PHACTR1: variants seen among roughly 807,000 people sequenced by gnomAD.
PHACTR1 encodes phosphatase and actin regulator 1.
A neutral mutation model predicts 69.2 loss-of-function variants in PHACTR1; 16 were observed. The ratio of observed to expected loss-of-function variants is 0.23; its 90% CI spans 0.16 to 0.35. PHACTR1 has a LOEUF of 0.35. Ranked by LOEUF, PHACTR1 falls within the 10% of genes least tolerant of loss-of-function variation. The pLI is 1.00. For synonymous variants in PHACTR1, 312 were observed against 284.5 expected, an observed-to-expected ratio of 1.10 and a Z score of -0.97; for missense variants, 510 against 734.7, an observed-to-expected ratio of 0.69 and a Z score of 3.54.
At chr6:12,932,277 C>T (rs1418210662) in intron 4 of PHACTR1, among the ~76,000 whole-genome samples, 1 of 152,064 alleles carries the variant, frequency 6.6e-6, no homozygotes, top group Non-Finnish European at 1.5e-5. Context: ...CAGATCTGGT[C>T]CTAGAATCCT....
At chr6:12,776,889 T>G (rs1181863057) in intron 4 of PHACTR1, among the ~76,000 whole-genome samples, 2 of 152,168 alleles carry the variant, frequency 1.3e-5, no homozygotes, top group African/African-American at 4.8e-5. Context: ...TTAGGACTCT[T>G]TACATGATAT....
chr6:13,283,716 G>A lies in PHACTR1; in HGVS notation c.1650+154G>A. 1 of 1,105,638 alleles carries A rather than the reference G, an allele frequency of 9.0e-7. No homozygotes were observed. 68.5% of individuals were successfully genotyped at this position (1,105,638 alleles called of 1,614,324 possible). A position where few individuals can be genotyped will look rare whatever the true frequency, so the allele number is the denominator to read the frequency against. ...GAGACCCCAACACCTTTCCCCAGGG[G>A]CCACAGATAATCTGCGGAAAGGCTG... On this transcript the variant is annotated intron_variant, in intron 13 of 14. Transcript: ENST00000332995. The surrounding 1 kb of genome is among the most constrained non-coding windows in gnomAD (Gnocchi z 4.7).
chr6:13,084,703 C>A (rs1205918062), intron 5 of PHACTR1, among the ~76,000 whole-genome samples: 2 of 151,680 alleles, frequency 1.3e-5, no homozygotes, highest in African/African-American at 4.8e-5. Flanking sequence ...AAGGAAGAGC[C>A]AGTATCCTAC....
At chr6:13,120,190 C>T (rs1340233543) in intron 5 of PHACTR1, among the ~76,000 whole-genome samples, 1 of 152,220 alleles carries the variant, frequency 6.6e-6, no homozygotes, top group Non-Finnish European at 1.5e-5. Flanking sequence ...TACAATCTAG[C>T]TTTGCAAACT....
At chr6:13,168,812 T>TA (rs372252223) in intron 6 of PHACTR1, among the ~76,000 whole-genome samples, 169 of 151,904 alleles carry the variant, frequency 1.1e-3, no homozygotes, top group African/African-American at 3.9e-3. Flanking sequence ...AGAGAAGGGG[T>TA]AAGAGTGCCC....
chr6:13,248,799 A>G (rs1251759916), intron 10 of PHACTR1, among the ~76,000 whole-genome samples: 1 of 152,202 alleles, frequency 6.6e-6, no homozygotes, highest in Non-Finnish European at 1.5e-5. Context: ...CCAAAAATCT[A>G]ATCTGCATGT....
At chr6:12,903,506 G>T (rs1449869438) in intron 4 of PHACTR1, among the ~76,000 whole-genome samples, 1 of 152,196 alleles carries the variant, frequency 6.6e-6, no homozygotes, top group Non-Finnish European at 1.5e-5. Flanking sequence ...CTTGACATGG[G>T]TTGTTTCCTC....
intron 5 of PHACTR1, among the ~76,000 whole-genome samples, chr6:13,092,527 G>A (rs9349456): frequency 0.48 from 72,294 of 151,950 alleles, 19,257 homozygotes; most frequent in East Asian, 0.83. Flanking sequence ...GACAGCAGGT[G>A]GCTTTAGGAT....
At chr6:12,945,998 A>AATAAATAAATGC (rs1790629914) in intron 4 of PHACTR1, among the ~76,000 whole-genome samples, 1 of 150,004 alleles carries the variant, frequency 6.7e-6, no homozygotes, top group African/African-American at 2.5e-5. Flanking sequence ...TAAATAAATA[A>AATAAATAAATGC]ATGCTAAAGT....
intron 8 of PHACTR1, among the ~76,000 whole-genome samples, chr6:13,218,247 A>T (rs1049649713): frequency 3.3e-5 from 5 of 152,198 alleles, no homozygotes; most frequent in African/African-American, 1.2e-4. Context: ...TTGATTCCCT[A>T]CAAGAGTTTC....
chr6:12,841,420 C>A (rs1241396959), intron 4 of PHACTR1, among the ~76,000 whole-genome samples: 1 of 152,150 alleles, frequency 6.6e-6, no homozygotes, highest in Non-Finnish European at 1.5e-5. Flanking sequence ...AGGAAACTCT[C>A]ATTAAGATGA....
intron 5 of PHACTR1, among the ~76,000 whole-genome samples, chr6:13,076,386 G>C (rs556526250): frequency 6.6e-6 from 1 of 152,146 alleles, no homozygotes; most frequent in African/African-American, 2.4e-5. Flanking sequence ...AAATACGAAT[G>C]CCTTGGGTTA....
At chr6:13,102,374 T>A (rs995350660) in intron 5 of PHACTR1, among the ~76,000 whole-genome samples, 1 of 152,178 alleles carries the variant, frequency 6.6e-6, no homozygotes, top group Non-Finnish European at 1.5e-5. Context: ...TCATTGGCCT[T>A]ATGAAAAACC....
rs559339178 is a variant in PHACTR1, at chr6:12,981,860, C to T, written c.251-71505C>T. ...TATTTTCAATATTTTCTGCTTTATT[C>T]CCAGGGTCTAGATCAGGTCCAAATG... On this transcript the variant is annotated intron_variant, in intron 4 of 14. Transcript: ENST00000332995. 8.3e-4 allele frequency among the ~76,000 whole-genome samples: 126 copies of T among 152,266 alleles called. 1 individual carries two copies. The South Asian group carries it at 0.017, about 21-fold the overall frequency.
Position 12,978,393 on chromosome 6 carries a change from G to A in PHACTR1, c.251-74972G>A, listed in dbSNP as rs187215589. 3.8e-3 allele frequency among the ~76,000 whole-genome samples: 582 copies of A among 152,204 alleles called. 2 individuals carry two copies. Among genetic ancestry groups the A allele is most frequent in the African/African-American group, 0.013 (554 of 41,512 alleles). The stretch of plus-strand genomic sequence containing the variant: ...GTTCTTGCCAGGCTCTCAGGACCAC[G>A]TCCACACCCCAGCCACTCATGCTGT... On this transcript the variant is annotated intron_variant, in intron 4 of 14. Coordinates refer to ENST00000332995, the MANE Select transcript of PHACTR1 (RefSeq NM_030948.6).
chr6:12,741,213 A>G (rs998449665), intron 3 of PHACTR1, among the ~76,000 whole-genome samples: 4 of 152,084 alleles, frequency 2.6e-5, no homozygotes, highest in African/African-American at 7.2e-5. Flanking sequence ...TATGATGAAC[A>G]GAAGTTCTTA....
intron 4 of PHACTR1, among the ~76,000 whole-genome samples, chr6:12,977,459 T>A (rs1256864285): frequency 6.6e-6 from 1 of 151,940 alleles, no homozygotes; most frequent in Non-Finnish European, 1.5e-5. Flanking sequence ...AGGACCCATT[T>A]CTTTTAGCTT....
chr6:13,229,563 C>CT (rs1770458621), intron 9 of PHACTR1, among the ~76,000 whole-genome samples: 1 of 152,120 alleles, frequency 6.6e-6, no homozygotes, highest in African/African-American at 2.4e-5. Context: ...TGTAGTTGAT[C>CT]TTTTCTGTCT....
intron 5 of PHACTR1, among the ~76,000 whole-genome samples, chr6:13,103,563 A>G (rs1320367141): frequency 6.6e-6 from 1 of 152,224 alleles, no homozygotes; most frequent in African/African-American, 2.4e-5. Context: ...TCCAAAACAA[A>G]AAGTATATAT....
Sources: gnomAD v4.1 joint callset for allele counts (sites outside exome capture counted in the v4.1 genomes callset) on GRCh38, gnomAD v4.1.1 for gene constraint, Gnocchi (gnomAD v3.1) non-coding constraint, MANE v1.5 for transcripts, NCBI Gene and HGNC (gene_info 2026-07-23, HGNC 2026-07-21) for gene names.